The following HPSE2 variants were observed in gnomAD, a reference collection of about 807,000 sequenced individuals.
HPSE2 encodes inactive heparanase-2.
In HPSE2, 38 loss-of-function variants were observed where a neutral mutation model predicts 60.5. The observed-to-expected ratio is 0.63, with a 90% CI of 0.48 to 0.82. The LOEUF (loss-of-function observed/expected upper bound fraction) is 0.82. Among genes scored for constraint, HPSE2 ranks in the 40% least tolerant of loss-of-function variants. HPSE2 has a pLI of 0.00. For synonymous variants in HPSE2, 295 were observed against 293.2 expected, an observed-to-expected ratio of 1.01 and a Z score of -0.06; for missense variants, 713 against 740.4, an observed-to-expected ratio of 0.96 and a Z score of 0.43.
intron 4 of HPSE2, 119 bp downstream of exon 4, chr10:98,743,764 A>G: frequency 1.1e-6 from 1 of 921,456 alleles, no homozygotes; most frequent in Admixed American, 1.8e-5. Context: ...CAGTGGCCAA[A>G]CATCACAAAC....
At chr10:99,094,550 T>A (rs1325974112) in intron 3 of HPSE2, among the ~76,000 whole-genome samples, 1,049 of 33,890 alleles carry the variant, frequency 0.031, 1 homozygote, top group East Asian at 0.075. Flanking sequence ...ATTTTTTTTT[T>A]TTTTTTTTTT....
chr10:99,169,469 C>G (rs1237654630), intron 2 of HPSE2, among the ~76,000 whole-genome samples: 2 of 117,320 alleles, frequency 1.7e-5, no homozygotes, highest in Admixed American at 1.2e-4. Flanking sequence ...GGCACCACTG[C>G]ACTCCAGCCT....
chr10:99,275,062 T>G, the HPSE2 span, among the ~76,000 whole-genome samples: 1 of 152,228 alleles, frequency 6.6e-6, no homozygotes, highest in Non-Finnish European at 1.5e-5. Context: ...AAATTTGGGC[T>G]CCTGCAGGGC....
intron 2 of HPSE2, among the ~76,000 whole-genome samples, chr10:99,170,265 AG>A (rs1320405295): frequency 6.6e-6 from 1 of 152,212 alleles, no homozygotes; most frequent in African/African-American, 2.4e-5. Flanking sequence ...ACACTCTGGC[AG>A]GAACTGCCTC....
rs1954926029 is a variant in HPSE2, at chr10:98,939,616, C to T, written c.611-195560G>A. Reference sequence around the variant, plus strand: ...AGTGACCTACAAAGAGACTTAGACACCCACACAATAATAATGGGAGATTTT... The same window carrying T: ...AGTGACCTACAAAGAGACTTAGACATCCACACAATAATAATGGGAGATTTT... On this transcript the variant is annotated intron_variant, in intron 3 of 11. Coordinates refer to ENST00000370552, the MANE Select transcript of HPSE2 (RefSeq NM_021828.5). 1.4e-5 allele frequency among the ~76,000 whole-genome samples: 2 copies of T among 143,380 alleles called. 1 individual carries two copies. Among genetic ancestry groups the T allele is most frequent in the Non-Finnish European group, 3.0e-5 (2 of 67,110 alleles). 94.1% of individuals were successfully genotyped at this position (143,380 alleles called of 152,430 possible). A position where few individuals can be genotyped will look rare whatever the true frequency, so the allele number is the denominator to read the frequency against.
At chr10:99,165,335 A>G (rs1847033232) in intron 2 of HPSE2, among the ~76,000 whole-genome samples, 2 of 151,940 alleles carry the variant, frequency 1.3e-5, no homozygotes, top group Middle Eastern at 3.2e-3. Context: ...AAAGTTATTC[A>G]GCTTCTTTCT....
chr10:98,917,966 C>A (rs1189864605), intron 3 of HPSE2, among the ~76,000 whole-genome samples: 6 of 152,128 alleles, frequency 3.9e-5, no homozygotes, highest in African/African-American at 7.2e-5. Context: ...TAAAGTGATA[C>A]CAGTTCAGGG....
At chr10:99,283,630 G>GAGA in the HPSE2 span, among the ~76,000 whole-genome samples, 1 of 151,848 alleles carries the variant, frequency 6.6e-6, no homozygotes, top group Non-Finnish European at 1.5e-5. Context: ...TAAAAAAAGA[G>GAGA]AGAAGACCCA....
chr10:99,260,176 A>T, the HPSE2 span, among the ~76,000 whole-genome samples: 62 of 152,252 alleles, frequency 4.1e-4, no homozygotes, highest in Middle Eastern at 3.4e-3. Context: ...GTGCCTATGC[A>T]TCTTTGTGAG....
chr10:99,200,623 A>G (rs1203809342), intron 2 of HPSE2, among the ~76,000 whole-genome samples: 1 of 152,064 alleles, frequency 6.6e-6, no homozygotes, highest in Non-Finnish European at 1.5e-5. Context: ...TATAATATGA[A>G]TACAATGCCT....
intron 9 of HPSE2, among the ~76,000 whole-genome samples, chr10:98,542,193 C>G (rs1240486545): frequency 6.6e-6 from 1 of 152,206 alleles, no homozygotes; most frequent in East Asian, 1.9e-4. Context: ...TCTGCAGCCA[C>G]CTCTGCTGAT....
chr10:98,939,181 C>T lies in HPSE2; in HGVS notation c.611-195125G>A, dbSNP rs532406118. Among the ~76,000 whole-genome samples the T allele has an allele frequency of 4.2e-4, 60 of 143,518 alleles. 5 individuals are homozygous for T. The highest frequency in any genetic ancestry group is 7.3e-4 in the Non-Finnish European group (49 of 67,044). The allele number at this position is 143,518 out of a possible 152,430, so 94.2% of individuals were successfully genotyped here. ...GCTAGGAAGAAACTGCATCAACTAA[C>T]GAGCAAAATAACCAGCTAACATCAT... On this transcript the variant is annotated intron_variant, in intron 3 of 11. Coordinates refer to ENST00000370552, the MANE Select transcript of HPSE2 (RefSeq NM_021828.5).
chr10:99,184,719 A>G (rs1057219468), intron 2 of HPSE2, among the ~76,000 whole-genome samples: 1 of 144,096 alleles, frequency 6.9e-6, no homozygotes, highest in African/African-American at 2.5e-5. Flanking sequence ...TTGGATTAAC[A>G]GTAACTTAAA....
intron 4 of HPSE2, among the ~76,000 whole-genome samples, chr10:98,732,441 G>A (rs529324998): frequency 1.5e-4 from 23 of 152,238 alleles, no homozygotes; most frequent in Admixed American, 1.2e-3. Flanking sequence ...AAGACATACA[G>A]ATCAGCGGAA....
At chr10:99,215,723 T>G (rs2133918327) in intron 2 of HPSE2, among the ~76,000 whole-genome samples, 1 of 152,216 alleles carries the variant, frequency 6.6e-6, no homozygotes, top group African/African-American at 2.4e-5. Flanking sequence ...AGAAGGTAGA[T>G]TAGTGGTTGC....
At chr10:98,479,394 G>C (rs1337340808) in intron 11 of HPSE2, among the ~76,000 whole-genome samples, 2 of 152,310 alleles carry the variant, frequency 1.3e-5, no homozygotes, top group Admixed American at 6.5e-5. Flanking sequence ...TTATAAAAGA[G>C]AGAAAGAGAC....
the HPSE2 span, among the ~76,000 whole-genome samples, chr10:99,269,715 C>T: frequency 6.6e-6 from 1 of 152,082 alleles, no homozygotes; most frequent in African/African-American, 2.4e-5. Flanking sequence ...CCAAGATACA[C>T]CATATCATAG....
chr10:99,088,130 C>G (rs2135591035), intron 3 of HPSE2, among the ~76,000 whole-genome samples: 1 of 152,110 alleles, frequency 6.6e-6, no homozygotes, highest in Admixed American at 6.5e-5. Context: ...TCCCTATTAC[C>G]TTTATGACCT....
rs141623742 is a variant in HPSE2 at position 98,663,033 on chromosome 10, G to A, written c.1005-21093C>T. ...ATGAAGGTCATTTAATATTTATAGG[G>A]GAAGTAAGACTTAATATGGGTCACA... On this transcript the variant is annotated intron_variant, in intron 6 of 11. Transcript: ENST00000370552. Among the ~76,000 whole-genome samples the A allele has an allele frequency of 1.5e-3, 222 of 152,248 alleles. 1 individual carries two copies. Among genetic ancestry groups the A allele is most frequent in the Middle Eastern group, 0.01 (3 of 294 alleles).
Sources: gnomAD v4.1 joint callset for allele counts (sites outside exome capture counted in the v4.1 genomes callset) on GRCh38, gnomAD v4.1.1 for gene constraint, MANE v1.5 for transcripts, NCBI Gene and HGNC (gene_info 2026-07-23, HGNC 2026-07-21) for gene names.